The following NDST4 variants were observed in gnomAD, a reference collection of about 807,000 sequenced individuals.
NDST4 encodes the protein N-heparan sulfate sulfotransferase 4.
NDST4 carries 63 observed loss-of-function variants against 100.8 expected under a neutral mutation model. The ratio of observed to expected loss-of-function variants is 0.62; its 90% CI spans 0.51 to 0.77. The LOEUF (loss-of-function observed/expected upper bound fraction) is 0.77, where lower values mean the gene tolerates loss of function less well. NDST4 is among the 30% of genes least tolerant of loss of function. The pLI is 0.00. For synonymous variants in NDST4, 377 were observed against 361.8 expected (o/e 1.04, Z -0.48); for missense variants, 943 against 1,018.4 (o/e 0.93, Z 1.01).
At chr4:114,959,163 G>A (rs890775399) in intron 4 of NDST4, among the ~76,000 whole-genome samples, 16 of 152,000 alleles carry the variant, frequency 1.1e-4, no homozygotes, top group African/African-American at 3.9e-4. Flanking sequence ...TCAGTATTTT[G>A]GTCAAAGCCA....
intron 3 of NDST4, among the ~76,000 whole-genome samples, chr4:114,974,205 A>T (rs1022089731): frequency 1.3e-5 from 2 of 152,078 alleles, no homozygotes; most frequent in African/African-American, 4.8e-5. Flanking sequence ...AAAATGTCAG[A>T]ATCTGGATTT....
intron 6 of NDST4, among the ~76,000 whole-genome samples, chr4:114,911,086 C>T (rs185959257): frequency 1.3e-5 from 2 of 152,158 alleles, no homozygotes; most frequent in South Asian, 2.1e-4. Context: ...TAGTCAAAAA[C>T]CTTCCAGTGG....
chr4:114,996,104 A>T (rs542654363), intron 2 of NDST4, among the ~76,000 whole-genome samples: 19 of 152,112 alleles, frequency 1.2e-4, no homozygotes, highest in South Asian at 4.1e-4. Context: ...CTGTATCCCC[A>T]CTCAAATCTC....
chr4:114,917,572 G>A (rs1219652966), intron 6 of NDST4, among the ~76,000 whole-genome samples: 3 of 152,044 alleles, frequency 2.0e-5, no homozygotes, highest in Non-Finnish European at 4.4e-5. Flanking sequence ...GAACCCAAGA[G>A]TTCAAGTCCA....
rs1429837353 is a variant in NDST4, at chr4:114,945,605, CTTG to C, written c.1222-8105_1222-8103del. Among the ~76,000 whole-genome samples the C allele has an allele frequency of 2.6e-5, 4 of 152,170 alleles. No individual in the cohort carries two copies. The South Asian group carries it at 6.2e-4, about 24-fold the overall frequency. On this transcript the variant is annotated intron_variant, in intron 4 of 13. Transcript: ENST00000264363. Reference sequence around the variant, plus strand: ...AATAATGACTGCATAAAGTAATGCACTTGTTGTAAAGAGATAATGCATTAAGCA... The same window carrying C: ...AATAATGACTGCATAAAGTAATGCACTTGTAAAGAGATAATGCATTAAGCA...
At position 115,006,908 on chromosome 4, in the gene NDST4, A is replaced by T. The variant is rs754326116; in HGVS notation, c.979-29634T>A. Reference sequence around the variant, plus strand: ...AGACTACTAAGAAACAGCCAGAAAAATTGCGATAATAATAATAATAACAAC... The same window carrying T: ...AGACTACTAAGAAACAGCCAGAAAATTTGCGATAATAATAATAATAACAAC... On this transcript the variant is annotated intron_variant, in intron 2 of 13. Coordinates refer to ENST00000264363, the MANE Select transcript of NDST4 (RefSeq NM_022569.3). Among the ~76,000 whole-genome samples, 5 of 152,268 alleles carry T rather than the reference A, an allele frequency of 3.3e-5. No individual in the cohort carries two copies. The South Asian group carries it at 1.0e-3, about 32-fold the overall frequency.
chr4:115,062,079 G>C (rs1728836366), intron 2 of NDST4, among the ~76,000 whole-genome samples: 1 of 151,900 alleles, frequency 6.6e-6, no homozygotes, highest in South Asian at 2.1e-4. Context: ...AAAATGAAGT[G>C]AGCCAATTTC....
intron 2 of NDST4, among the ~76,000 whole-genome samples, chr4:115,060,804 C>A (rs1183593469): frequency 6.6e-6 from 1 of 151,774 alleles, no homozygotes; most frequent in East Asian, 1.9e-4. Context: ...CCCAACATGG[C>A]ATTTATAAAT....
chr4:115,033,157 ATT>A (rs1192796806), intron 2 of NDST4, among the ~76,000 whole-genome samples: 2,797 of 59,762 alleles, frequency 0.047, 32 homozygotes, highest in Middle Eastern at 0.073. Context: ...ATATATATAT[ATT>A]TTTTTTTTTT....
intron 1 of NDST4, among the ~76,000 whole-genome samples, chr4:115,105,812 C>T (rs188149136): frequency 1.3e-5 from 2 of 152,180 alleles, no homozygotes; most frequent in Admixed American, 6.6e-5. Context: ...AGTCTGCTAG[C>T]GTCACATAAC....
At chr4:114,894,404 C>T (rs1329927256) in intron 6 of NDST4, among the ~76,000 whole-genome samples, 1 of 152,058 alleles carries the variant, frequency 6.6e-6, no homozygotes, top group Non-Finnish European at 1.5e-5. Flanking sequence ...TTTGTGTCCT[C>T]TCTTATTTCT....
At chr4:115,001,959 T>C (rs1223666621) in intron 2 of NDST4, among the ~76,000 whole-genome samples, 1 of 152,190 alleles carries the variant, frequency 6.6e-6, no homozygotes, top group Non-Finnish European at 1.5e-5. Context: ...CTCTGTCTGC[T>C]GGGGCATCTT....
intron 6 of NDST4, among the ~76,000 whole-genome samples, chr4:114,872,907 T>G (rs1303072639): frequency 6.6e-6 from 1 of 151,994 alleles, no homozygotes; most frequent in African/African-American, 2.4e-5. Flanking sequence ...GAGTTTGACA[T>G]CCGTCATTTT....
chr4:114,994,928 C>A (rs914133990), intron 2 of NDST4, among the ~76,000 whole-genome samples: 13 of 145,904 alleles, frequency 8.9e-5, no homozygotes, highest in African/African-American at 3.3e-4. Context: ...AAGAAAAATT[C>A]TTGACTAAAT....
At chr4:115,009,521 T>C (rs2126259717) in intron 2 of NDST4, among the ~76,000 whole-genome samples, 1 of 122,836 alleles carries the variant, frequency 8.1e-6, no homozygotes, top group African/African-American at 3.2e-5. Flanking sequence ...TTACACCTTA[T>C]ACAAAAATTA....
chr4:115,101,690 A>G (rs1012206172), intron 1 of NDST4, among the ~76,000 whole-genome samples: 5 of 152,128 alleles, frequency 3.3e-5, no homozygotes, highest in African/African-American at 1.2e-4. Flanking sequence ...GAAGTCAAGT[A>G]AAATGTTAAA....
chr4:115,006,913 GATA>G (rs1327321992), intron 2 of NDST4, among the ~76,000 whole-genome samples: 3 of 151,866 alleles, frequency 2.0e-5, no homozygotes, highest in African/African-American at 4.8e-5. Context: ...GAAAAATTGC[GATA>G]ATAATAATAA....
At chr4:115,018,289 C>T (rs975350164) in intron 2 of NDST4, among the ~76,000 whole-genome samples, 6 of 151,902 alleles carry the variant, frequency 3.9e-5, no homozygotes, top group Non-Finnish European at 5.9e-5. Context: ...ACTAGTATAA[C>T]ATATAGCAGA....
At chr4:114,886,765 G>GA (rs537351986) in intron 6 of NDST4, among the ~76,000 whole-genome samples, 7 of 151,882 alleles carry the variant, frequency 4.6e-5, no homozygotes, top group Admixed American at 1.3e-4. Flanking sequence ...GTGATGGAGA[G>GA]AAAAAAAATC....
Sources: allele counts gnomAD v4.1 joint callset (sites outside exome capture counted in the v4.1 genomes callset), GRCh38; gene constraint gnomAD v4.1.1; transcripts MANE v1.5; gene names NCBI Gene and HGNC (gene_info 2026-07-23, HGNC 2026-07-21).